RBFOX1: variants seen among roughly 807,000 people sequenced by gnomAD.
RBFOX1 encodes RNA binding protein fox-1 homolog 1.
In RBFOX1, 8 loss-of-function variants were observed where a neutral mutation model predicts 57.7. The ratio of observed to expected loss-of-function variants is 0.14; its 90% CI spans 0.08 to 0.25. The LOEUF (loss-of-function observed/expected upper bound fraction) is 0.25, where lower values mean the gene tolerates loss of function less well. Among genes scored for constraint, RBFOX1 ranks in the 10% least tolerant of loss-of-function variants. RBFOX1 has a pLI of 1.00. For missense variants in RBFOX1, 611 were observed against 548.5 expected, an observed-to-expected ratio of 1.11 and a Z score of -1.14; for synonymous variants, 326 against 222.4, an observed-to-expected ratio of 1.47 and a Z score of -4.15.
chr16:5,854,559 C>G (rs547451538), intron 3 of RBFOX1, among the ~76,000 whole-genome samples: 1 of 143,890 alleles, frequency 6.9e-6, no homozygotes, highest in Admixed American at 7.1e-5. Context: ...CCTATCTTAC[C>G]CCCCCCACAC....
At chr16:7,646,775 A>T (rs1185328572) in intron 11 of RBFOX1, among the ~76,000 whole-genome samples, 1 of 152,312 alleles carries the variant, frequency 6.6e-6, no homozygotes, top group Non-Finnish European at 1.5e-5. Flanking sequence ...ATAACCCTCA[A>T]GTATTTTCCA....
chr16:5,385,592 G>T (rs1001374491), intron 1 of RBFOX1, among the ~76,000 whole-genome samples: 4 of 152,190 alleles, frequency 2.6e-5, no homozygotes, highest in African/African-American at 9.7e-5. Context: ...TGGGCTGTCA[G>T]TGTCCCTTAT....
At chr16:7,231,736 A>G (rs1182337520) in intron 4 of RBFOX1, among the ~76,000 whole-genome samples, 1 of 152,220 alleles carries the variant, frequency 6.6e-6, no homozygotes, top group Non-Finnish European at 1.5e-5. Context: ...GGAAGGAGCT[A>G]CTGTTACATG....
chr16:7,191,381 G>A (rs759245392), intron 4 of RBFOX1, among the ~76,000 whole-genome samples: 1 of 151,596 alleles, frequency 6.6e-6, no homozygotes, highest in South Asian at 2.1e-4. Context: ...TTTCCTGGAT[G>A]CTTTACAATA....
chr16:6,140,964 C>G (rs2096711333), intron 1 of RBFOX1, among the ~76,000 whole-genome samples: 1 of 152,180 alleles, frequency 6.6e-6, no homozygotes, highest in South Asian at 2.1e-4. Context: ...GTATTCTCCC[C>G]AAGCTCTCTG....
intron 3 of RBFOX1, among the ~76,000 whole-genome samples, chr16:5,765,969 C>G (rs914944032): frequency 6.6e-6 from 1 of 152,172 alleles, no homozygotes; most frequent in African/African-American, 2.4e-5. Flanking sequence ...CCATCTTTGT[C>G]TCTGGGGTGC....
At chr16:6,705,970 A>G (rs1352843100) in intron 3 of RBFOX1, among the ~76,000 whole-genome samples, 1 of 152,160 alleles carries the variant, frequency 6.6e-6, no homozygotes, top group Non-Finnish European at 1.5e-5. Context: ...GTGAGTTAAG[A>G]TGGTGCCACT....
intron 4 of RBFOX1, among the ~76,000 whole-genome samples, chr16:7,296,136 T>C (rs1449675428): frequency 6.6e-6 from 1 of 152,078 alleles, no homozygotes; most frequent in Non-Finnish European, 1.5e-5. Context: ...CATTGGATTC[T>C]GTAATGACAT....
At chr16:6,959,192 C>G (rs74008477) in intron 3 of RBFOX1, among the ~76,000 whole-genome samples, 3,461 of 152,210 alleles carry the variant, frequency 0.023, 132 homozygotes, top group African/African-American at 0.079. Context: ...GTGAAATACT[C>G]GCTCGATTTC....
At chr16:7,287,079 C>T (rs1291320862) in intron 4 of RBFOX1, among the ~76,000 whole-genome samples, 1 of 152,042 alleles carries the variant, frequency 6.6e-6, no homozygotes, top group African/African-American at 2.4e-5. Flanking sequence ...AACTTTGTTC[C>T]AAGATCATTA....
intron 4 of RBFOX1, among the ~76,000 whole-genome samples, chr16:7,366,972 T>C (rs1248433286): frequency 1.3e-5 from 2 of 152,232 alleles, no homozygotes; most frequent in Non-Finnish European, 2.9e-5. Flanking sequence ...GATTGTACTT[T>C]TGTCAGGTGG....
chr16:7,139,198 ATG>A (rs1237530869), intron 4 of RBFOX1, among the ~76,000 whole-genome samples: 1 of 56,184 alleles, frequency 1.8e-5, no homozygotes, highest in Non-Finnish European at 4.1e-5. Context: ...GTGTGTGTGT[ATG>A]TGTGTGTGTT....
chr16:5,809,328 C>G (rs933519458), intron 3 of RBFOX1, among the ~76,000 whole-genome samples: 2 of 152,122 alleles, frequency 1.3e-5, no homozygotes, highest in African/African-American at 2.4e-5. Flanking sequence ...CAAATGGGAT[C>G]TAATTAAACT....
chr16:7,544,117 A>G (rs911596815), intron 5 of RBFOX1, among the ~76,000 whole-genome samples: 1 of 152,256 alleles, frequency 6.6e-6, no homozygotes, highest in African/African-American at 2.4e-5. Context: ...GAATAAGACC[A>G]GGAAAGCCTG....
chr16:6,139,341 G>A (rs957274167), intron 1 of RBFOX1, among the ~76,000 whole-genome samples: 2 of 152,150 alleles, frequency 1.3e-5, no homozygotes, highest in Admixed American at 1.3e-4. Flanking sequence ...ACAGACCAAG[G>A]TGAGGTCCCA....
chr16:6,165,500 T>C (rs2152753247), intron 1 of RBFOX1, among the ~76,000 whole-genome samples: 1 of 152,088 alleles, frequency 6.6e-6, no homozygotes, highest in East Asian at 1.9e-4. Context: ...AAAATGAGAG[T>C]TCCAAACCTA....
At chr16:5,464,348 C>T (rs1287373644) in intron 1 of RBFOX1, among the ~76,000 whole-genome samples, 1 of 152,188 alleles carries the variant, frequency 6.6e-6, no homozygotes, top group African/African-American at 2.4e-5. Context: ...AAGGGCAGAC[C>T]CTACGGGTTG....
At chr16:7,646,490 A>G (rs896053410) in intron 11 of RBFOX1, among the ~76,000 whole-genome samples, 1 of 152,204 alleles carries the variant, frequency 6.6e-6, no homozygotes, top group Non-Finnish European at 1.5e-5. Context: ...TCCATCTTAA[A>G]ACCTTCCAAG....
chr16:5,940,179 G>A (rs1417205589), intron 4 of RBFOX1, among the ~76,000 whole-genome samples: 1 of 152,220 alleles, frequency 6.6e-6, no homozygotes, highest in Non-Finnish European at 1.5e-5. Context: ...GTATTGGAAT[G>A]ATGGAGACAC....
Sources: gnomAD v4.1 joint callset for allele counts (sites outside exome capture counted in the v4.1 genomes callset) on GRCh38, gnomAD v4.1.1 for gene constraint, MANE v1.5 for transcripts, NCBI Gene and HGNC (gene_info 2026-07-23, HGNC 2026-07-21) for gene names.